ZNF674: variants seen among roughly 807,000 people sequenced by gnomAD.
The protein encoded by ZNF674 is zinc finger protein 674, also known as zinc finger family member 674.
In ZNF674, 2 loss-of-function variants were observed where a neutral mutation model predicts 7.0. The ratio of observed to expected loss-of-function variants is 0.29; its 90% CI spans 0.12 to 0.90. The LOEUF (loss-of-function observed/expected upper bound fraction) is 0.90, where lower values mean the gene tolerates loss of function less well. ZNF674 is among the 40% of genes least tolerant of loss of function. The pLI, the probability that ZNF674 is intolerant of heterozygous loss-of-function variation, is 0.57. For missense variants in ZNF674, 297 were observed against 415.5 expected (o/e 0.71, Z 2.48); for synonymous variants, 103 against 145.2 (o/e 0.71, Z 2.09).
At chrX:46,541,508 C>G (rs1220529287) in intron 3 of ZNF674, among the ~76,000 whole-genome samples, 1 of 111,456 alleles carries the variant, frequency 9.0e-6, no homozygotes, top group Non-Finnish European at 1.9e-5. Flanking sequence ...TAATCAGGTT[C>G]AGAAAGCAAG....
At position 46,528,965 on chromosome X, in the gene ZNF674, T is replaced by C; in HGVS notation, c.16-56A>G. 5.8e-6 allele frequency: 7 copies of C among 1,211,352 alleles called. No homozygotes were observed. In the South Asian group the frequency reaches 1.1e-4, roughly 18 times the overall value. On this transcript the variant is annotated intron_variant, in intron 3 of 5. Transcript: ENST00000683375. The stretch of plus-strand genomic sequence containing the variant: ...AGGACCAGCCTGGGGCACTGGGACA[T>C]GGCACCTCACACACACGGAGGGCTT...
Position 46,539,528 on chromosome X carries a change from T to G in ZNF674, c.15+2545A>C, listed in dbSNP as rs370563879. Among the ~76,000 whole-genome samples the G allele has an allele frequency of 3.7e-3, 421 of 112,871 alleles. 3 individuals carry two copies. Among genetic ancestry groups the G allele is most frequent in the African/African-American group, 0.013 (404 of 31,131 alleles). On this transcript the variant is annotated intron_variant, in intron 3 of 5. Transcript: ENST00000683375. Reference sequence around the variant, plus strand: ...TAGAAATGTCCTAAATGTTCATCACTAGGAGAAAGGTAAATGAATATTGGT... The same window carrying G: ...TAGAAATGTCCTAAATGTTCATCACGAGGAGAAAGGTAAATGAATATTGGT...
chrX:46,519,251 TA>T (rs1941841418), intron 5 of ZNF674, among the ~76,000 whole-genome samples: 1 of 74,769 alleles, frequency 1.3e-5, no homozygotes, highest in African/African-American at 5.4e-5. Flanking sequence ...GATAGATAGA[TA>T]GATAGATAGA....
intron 5 of ZNF674, among the ~76,000 whole-genome samples, chrX:46,518,027 G>A (rs1477772828): frequency 1.8e-5 from 2 of 110,415 alleles, no homozygotes; most frequent in East Asian, 2.8e-4. Flanking sequence ...AAAAGAAGAC[G>A]AAATGTAAAA....
In ZNF674 at chrX:46,528,413, T is replaced by C; in HGVS notation, c.175A>G (p.Arg59Gly). The change falls in exon 5 of 6, where the codon AGG (arginine) becomes GGG (glycine). Residue 59 changes from arginine to glycine, a missense_variant. Coordinates refer to ENST00000683375, the MANE Select transcript of ZNF674 (RefSeq NM_001190417.2). ...CAGGACTCGTCACCTGGTCCCAACCTGAAGATCACATCTGGCTTCCCAACT... is the reference window on the plus strand; with the variant it reads ...CAGGACTCGTCACCTGGTCCCAACCCGAAGATCACATCTGGCTTCCCAACT... ...HLVGKPDVIFRLGPGDESWMA... is the reference protein window; with the variant it reads ...HLVGKPDVIFGLGPGDESWMA... 1 of 1,211,567 alleles carries C rather than the reference T, an allele frequency of 8.3e-7. No homozygotes were observed.
At chrX:46,533,837 T>A (rs1014223138) in intron 3 of ZNF674, among the ~76,000 whole-genome samples, 6 of 83,119 alleles carry the variant, frequency 7.2e-5, no homozygotes, top group East Asian at 8.1e-4. Flanking sequence ...AAAATATATA[T>A]ATATATATAT....
chrX:46,523,304 A>G (rs1359512791), intron 5 of ZNF674: 1 of 115,636 alleles, frequency 8.6e-6, no homozygotes, highest in African/African-American at 3.2e-5. Context: ...TAATAAGGAA[A>G]TCTTATGAAA....
chrX:46,508,605 G>A (rs1019380910), intron 5 of ZNF674, among the ~76,000 whole-genome samples: 11 of 111,108 alleles, frequency 9.9e-5, no homozygotes, highest in Non-Finnish European at 1.9e-4. Flanking sequence ...AGCATGGAAT[G>A]TTCTTCCATT....
chrX:46,521,413 C>T (rs1455401398), intron 5 of ZNF674, among the ~76,000 whole-genome samples: 1 of 108,785 alleles, frequency 9.2e-6, no homozygotes, highest in Non-Finnish European at 1.9e-5. Flanking sequence ...CCCATCTCTA[C>T]AAAAAAATAC....
At chrX:46,526,985 T>C (rs958147194) in intron 5 of ZNF674, among the ~76,000 whole-genome samples, 1 of 111,923 alleles carries the variant, frequency 8.9e-6, no homozygotes, top group African/African-American at 3.2e-5. Flanking sequence ...ATAAAGAACC[T>C]GCTGGGCACA....
chrX:46,526,572 C>T (rs1942013648), intron 5 of ZNF674, among the ~76,000 whole-genome samples: 1 of 111,017 alleles, frequency 9.0e-6, no homozygotes, highest in African/African-American at 3.3e-5. Context: ...GTCACTGTGC[C>T]CGGCCATTCA....
intron 5 of ZNF674, among the ~76,000 whole-genome samples, chrX:46,522,111 T>C (rs1245597689): frequency 9.6e-6 from 1 of 104,004 alleles, no homozygotes; most frequent in African/African-American, 3.5e-5. Context: ...AAGATACTAA[T>C]ACACACCTAC....
At chrX:46,523,100 A>G (rs769723211) in intron 5 of ZNF674, 1 of 256,128 alleles carries the variant, frequency 3.9e-6, no homozygotes, top group South Asian at 4.1e-5. Flanking sequence ...TGTATGCAAG[A>G]TATAGTAATC....
intron 5 of ZNF674, among the ~76,000 whole-genome samples, 160 bp from the exon 6 acceptor site, chrX:46,501,495 A>G (rs1424678432): frequency 9.0e-6 from 1 of 111,485 alleles, no homozygotes; most frequent in Non-Finnish European, 1.9e-5. Context: ...CAAGAAAAGA[A>G]ATGTATTAGG....
At position 46,528,445 on chromosome X, in the gene ZNF674, C is replaced by T; in HGVS notation, c.143G>A (p.Gly48Glu). 1 of 1,205,377 alleles carries T rather than the reference C, an allele frequency of 8.3e-7. No individual in the cohort carries two copies. The highest frequency in any genetic ancestry group is 1.1e-6 in the Non-Finnish European group (1 of 889,730). ...CACATCTGGCTTCCCAACTAGATGC[C>T]CTGTTTAGGGGACATGACATAGGAC... ...LENYSHLVSV[G>E]HLVGKPDVIF... The change falls in exon 5 of 6, where the codon GGG becomes GAG. Residue 48 changes from glycine (G) to glutamate (E), a missense_variant and splice_region_variant. Transcript: ENST00000683375.
intron 3 of ZNF674, among the ~76,000 whole-genome samples, chrX:46,531,616 T>C (rs1174180838): frequency 9.1e-6 from 1 of 110,443 alleles, no homozygotes; most frequent in Non-Finnish European, 1.9e-5. Flanking sequence ...CAAGTGAGAG[T>C]AGACAGTAGG....
chrX:46,521,656 G>A (rs1569477716), intron 5 of ZNF674, among the ~76,000 whole-genome samples: 1 of 108,882 alleles, frequency 9.2e-6, no homozygotes, highest in Non-Finnish European at 1.9e-5. Context: ...GGGGGAGGGG[G>A]GGGAGGTGGA....
chrX:46,517,367 A>G (rs1284408958), intron 5 of ZNF674, among the ~76,000 whole-genome samples: 7 of 111,356 alleles, frequency 6.3e-5, no homozygotes, highest in Non-Finnish European at 1.3e-4. Context: ...TCCAATGTTC[A>G]TGTTATTAGA....
intron 2 of ZNF674, 119 bp from the exon 3 acceptor site, chrX:46,542,235 T>G: frequency 2.5e-6 from 1 of 394,766 alleles, no homozygotes; most frequent in Non-Finnish European, 4.3e-6. Flanking sequence ...TAAGGCCTGG[T>G]AGCTTCAGCC....
Sources: gnomAD v4.1 joint callset for allele counts (sites outside exome capture counted in the v4.1 genomes callset) on GRCh38, gnomAD v4.1.1 for gene constraint, MANE v1.5 for transcripts, NCBI Gene and HGNC (gene_info 2026-07-23, HGNC 2026-07-21) for gene names.